Variants in FA2H observed in about 807,000 individuals in gnomAD.
The protein encoded by FA2H is fatty acid 2-hydroxylase.
Under a neutral mutation model 44.9 loss-of-function variants are expected in FA2H, and 22 were observed. The ratio of observed to expected loss-of-function variants is 0.49; its 90% confidence interval spans 0.35 to 0.70. The LOEUF is 0.70. FA2H is among the 30% of genes least tolerant of loss of function. FA2H has a pLI of 0.01. For missense variants in FA2H, 501 were observed against 504.9 expected (o/e 0.99, Z 0.07); for synonymous variants, 243 against 213.2 (o/e 1.14, Z -1.22).
intron 2 of FA2H, among the ~76,000 whole-genome samples, chr16:74,730,725 T>G (rs887843607): frequency 1.3e-5 from 2 of 152,182 alleles, no homozygotes; most frequent in Non-Finnish European, 2.9e-5. Flanking sequence ...CCAGCTACAG[T>G]AGCACTCAGA....
At chr16:74,730,897 C>T (rs1318501239) in intron 2 of FA2H, among the ~76,000 whole-genome samples, 1 of 152,124 alleles carries the variant, frequency 6.6e-6, no homozygotes, top group African/African-American at 2.4e-5. Context: ...CCCAAGGTCG[C>T]CCAGTTATGT....
intron 1 of FA2H, among the ~76,000 whole-genome samples, chr16:74,763,541 C>T (rs1324855393): frequency 6.6e-6 from 1 of 152,084 alleles, no homozygotes; most frequent in Admixed American, 6.6e-5. Flanking sequence ...TACAGGCGTG[C>T]GCCACCGTGC....
At chr16:74,756,187 T>TG (rs1962608982) in intron 1 of FA2H, among the ~76,000 whole-genome samples, 1 of 152,164 alleles carries the variant, frequency 6.6e-6, no homozygotes, top group Non-Finnish European at 1.5e-5. Context: ...ACGTGGAATC[T>TG]GGCCTGCAGG....
In FA2H at chr16:74,714,117, G is replaced by T; in HGVS notation, c.*73C>A. 1.1e-6 allele frequency: 1 copy of T among 917,674 alleles called. No individual in the cohort carries two copies. The highest frequency in any genetic ancestry group is 1.7e-6 in the Non-Finnish European group (1 of 574,878). The allele number at this position is 917,674 out of a possible 1,614,324, so 56.8% of individuals were successfully genotyped here. A position where few individuals can be genotyped will look rare whatever the true frequency, so the allele number is the denominator to read the frequency against. The stretch of plus-strand genomic sequence containing the variant: ...CTGGCCAAGCCAACCTTCTTAATGG[G>T]GTCTGAATGGCGGGTGGGGGTCGGG... On this transcript the variant is annotated 3_prime_UTR_variant, in exon 7 of 7. Transcript: ENST00000219368.
intron 5 of FA2H, chr16:74,716,908 C>A: frequency 2.6e-6 from 1 of 389,450 alleles, no homozygotes; most frequent in East Asian, 4.5e-5. Flanking sequence ...CTTATAGAGG[C>A]CACTGTGACT....
chr16:74,748,673 G>T (rs1457637733), intron 1 of FA2H, among the ~76,000 whole-genome samples: 1 of 152,054 alleles, frequency 6.6e-6, no homozygotes, highest in African/African-American at 2.4e-5. Context: ...GCGCACGGGG[G>T]AGAGAACAGA....
At chr16:74,747,323 TAAATAAATAAGA>T (rs934860856) in intron 1 of FA2H, among the ~76,000 whole-genome samples, 37 of 49,054 alleles carry the variant, frequency 7.5e-4, no homozygotes, top group African/African-American at 2.2e-3. Flanking sequence ...AATAAATAAA[TAAATAAATAAGA>T]AAGAAAGAAA....
At chr16:74,732,331 C>G (rs968604879) in intron 2 of FA2H, among the ~76,000 whole-genome samples, 1 of 152,168 alleles carries the variant, frequency 6.6e-6, no homozygotes, top group Admixed American at 6.6e-5. Context: ...GGCCAGGGGG[C>G]CCCTCTCTCA....
At position 74,719,042 on chromosome 16, in the gene FA2H, G is replaced by A. The variant is rs142632840; in HGVS notation, c.732C>T (p.Ser244=). The change falls in exon 5 of 7, where the codon AGC becomes AGT. Residue 244 remains serine, a synonymous_variant. Coordinates refer to ENST00000219368, the MANE Select transcript of FA2H (RefSeq NM_024306.5). ...HRFLFHMKPP[S]DSYYLIMLHF... ...GCAGCATGATGAGGTAATAGCTGTC[G>A]CTGGGGGGCTTCATGTGGAACAGGA... 7.6e-5 allele frequency: 123 copies of A among 1,614,016 alleles called. No homozygotes were observed. The highest frequency in any genetic ancestry group is 4.4e-5 in the South Asian group (4 of 91,080).
chr16:74,746,650 G>T (rs1962430358), intron 1 of FA2H, among the ~76,000 whole-genome samples: 1 of 152,174 alleles, frequency 6.6e-6, no homozygotes, highest in Admixed American at 6.5e-5. Flanking sequence ...GTGGCCCTTG[G>T]TTTGCCAGTT....
At chr16:74,714,308 A>G (rs562397281) in intron 6 of FA2H, 39 bp from the exon 7 acceptor site, 49 of 1,350,236 alleles carry the variant, frequency 3.6e-5, no homozygotes, top group Middle Eastern at 1.8e-4. Flanking sequence ...TGAGGCATTG[A>G]AGGAGCAGGC....
At position 74,718,625 on chromosome 16, in the gene FA2H, G is replaced by A. The variant is rs187743972; in HGVS notation, c.786+363C>T. ...TGTTTTCAGCACAAGCTCCAGGAGCGCAAGGCTTTTTGTTGTTTTGTTCAA... is the reference window on the plus strand; with the variant it reads ...TGTTTTCAGCACAAGCTCCAGGAGCACAAGGCTTTTTGTTGTTTTGTTCAA... On this transcript the variant is annotated intron_variant, in intron 5 of 6. Transcript: ENST00000219368. Among the ~76,000 whole-genome samples, 15 of 152,346 alleles carry A rather than the reference G, an allele frequency of 9.8e-5. No individual in the cohort carries two copies. The East Asian group carries it at 1.5e-3, about 16-fold the overall frequency.
rs886043274 is a variant in FA2H at position 74,716,591 on chromosome 16, G to A, written c.795C>T (p.Phe265=). The change falls in exon 6 of 7, where the codon TTC becomes TTT. Residue 265 remains phenylalanine (F), a synonymous_variant. Coordinates refer to ENST00000219368, the MANE Select transcript of FA2H (RefSeq NM_024306.5). ...GGGGGAAGACCAGGCGGGAGCCGTC[G>A]AAGGGTGCCTGCAGATGGAGAGGCT... is the stretch of plus-strand genomic sequence containing the variant. ...VMHGQHHKAP[F]DGSRLVFPPV... 30 of 1,562,880 alleles carry A rather than the reference G, an allele frequency of 1.9e-5. No homozygotes were observed. The highest frequency in any genetic ancestry group is 2.4e-5 in the East Asian group (1 of 41,996).
rs142533482 is a variant in FA2H, at chr16:74,716,519, C to G, written c.867G>C (p.Gln289His). The change falls in exon 6 of 7, where the codon CAG (glutamine) becomes CAC (histidine). Residue 289 changes from glutamine (Q) to histidine (H), a missense_variant. Coordinates refer to ENST00000219368, the MANE Select transcript of FA2H (RefSeq NM_024306.5). ...LVIGVFYLCM[Q>H]LILPEAVGGT... ...CCCCTACTGCCTCGGGCAGGATGAG[C>G]TGCATGCACAAGTAGAAGACGCCGA... 3 of 1,613,020 alleles carry G rather than the reference C, an allele frequency of 1.9e-6. No individual in the cohort carries two copies. Among genetic ancestry groups the G allele is most frequent in the Non-Finnish European group, 2.5e-6 (3 of 1,179,686 alleles).
intron 1 of FA2H, among the ~76,000 whole-genome samples, chr16:74,764,508 G>A (rs1962770553): frequency 6.6e-6 from 1 of 152,174 alleles, no homozygotes; most frequent in South Asian, 2.1e-4. Flanking sequence ...ATAAGTGGGA[G>A]CTAAATGATG....
chr16:74,757,493 T>G (rs1008330162), intron 1 of FA2H, among the ~76,000 whole-genome samples: 2 of 152,236 alleles, frequency 1.3e-5, no homozygotes, highest in African/African-American at 4.8e-5. Flanking sequence ...TCCAGGACTC[T>G]GTATTATGGT....
intron 4 of FA2H, among the ~76,000 whole-genome samples, chr16:74,724,824 C>T (rs929586742): frequency 6.6e-6 from 1 of 152,164 alleles, no homozygotes; most frequent in African/African-American, 2.4e-5. Flanking sequence ...TCCTATAGGT[C>T]AAGCCTCTGC....
intron 1 of FA2H, 33 bp downstream of exon 1, chr16:74,774,453 G>C (rs760923856): frequency 1.0e-5 from 15 of 1,493,014 alleles, no homozygotes; most frequent in Non-Finnish European, 1.2e-5. Flanking sequence ...ACGGAGGCCT[G>C]GGTTGGGGTG....
intron 1 of FA2H, among the ~76,000 whole-genome samples, chr16:74,741,967 T>A (rs1283626376): frequency 1.3e-5 from 2 of 151,368 alleles, no homozygotes; most frequent in Non-Finnish European, 2.9e-5. Context: ...AATATAAATG[T>A]CCTCCCTCTT....
Sources: allele counts gnomAD v4.1 joint callset (sites outside exome capture counted in the v4.1 genomes callset), GRCh38; gene constraint gnomAD v4.1.1; transcripts MANE v1.5; gene names NCBI Gene and HGNC (gene_info 2026-07-23, HGNC 2026-07-21).